Variants in TENM4 observed in about 807,000 individuals in gnomAD.
TENM4 encodes the protein teneurin transmembrane protein 4, also known as teneurin-4.
TENM4 carries 82 observed loss-of-function variants against 243.3 expected under a neutral mutation model. The ratio of observed to expected loss-of-function variants is 0.34; its 90% CI spans 0.28 to 0.40. TENM4 has a LOEUF of 0.40. Ranked by LOEUF, TENM4 falls within the 10% of genes least tolerant of loss-of-function variation. TENM4 has a pLI of 1.00. For synonymous variants in TENM4, 1,412 were observed against 1,456.3 expected, an observed-to-expected ratio of 0.97 and a Z score of 0.69; for missense variants, 3,138 against 3,673.3, an observed-to-expected ratio of 0.85 and a Z score of 3.77.
At chr11:78,683,862 C>T (rs552038944) in intron 29 of TENM4, among the ~76,000 whole-genome samples, 9 of 152,340 alleles carry the variant, frequency 5.9e-5, no homozygotes, top group African/African-American at 2.2e-4. Flanking sequence ...GTAAAATACA[C>T]ATAGAGTTTC....
At chr11:79,337,544 G>T (rs971633225) in intron 1 of TENM4, among the ~76,000 whole-genome samples, 2 of 152,166 alleles carry the variant, frequency 1.3e-5, no homozygotes, top group Admixed American at 6.5e-5. Flanking sequence ...TAGCCAGAAA[G>T]GGTTGCTAAG....
chr11:79,196,575 T>TTGA (rs1272727848), intron 3 of TENM4, among the ~76,000 whole-genome samples: 1 of 152,070 alleles, frequency 6.6e-6, no homozygotes, highest in African/African-American at 2.4e-5. Context: ...GCTGGTGCTG[T>TTGA]TGATGGTAGC....
chr11:78,959,179 T>A (rs1425055551), intron 6 of TENM4, among the ~76,000 whole-genome samples: 2 of 152,144 alleles, frequency 1.3e-5, no homozygotes, highest in Non-Finnish European at 2.9e-5. Flanking sequence ...ATTAAAAGTC[T>A]CTGAAAAACC....
At chr11:79,308,185 T>A (rs1049001105) in intron 1 of TENM4, among the ~76,000 whole-genome samples, 1 of 152,246 alleles carries the variant, frequency 6.6e-6, no homozygotes, top group Non-Finnish European at 1.5e-5. Flanking sequence ...AGCCTAGAGA[T>A]CAAGGGCCTT....
At chr11:78,877,530 T>C (rs1383591412) in intron 9 of TENM4, among the ~76,000 whole-genome samples, 1 of 152,116 alleles carries the variant, frequency 6.6e-6, no homozygotes, top group Non-Finnish European at 1.5e-5. Flanking sequence ...TAAAAATCTA[T>C]AAAATCAACT....
At chr11:79,212,848 G>A (rs1863979215) in intron 3 of TENM4, among the ~76,000 whole-genome samples, 1 of 152,182 alleles carries the variant, frequency 6.6e-6, no homozygotes, top group African/African-American at 2.4e-5. Context: ...TTAAGCAGGA[G>A]GAGGCTAAGT....
At chr11:79,252,048 C>T (rs946730377) in intron 2 of TENM4, among the ~76,000 whole-genome samples, 43 of 151,728 alleles carry the variant, frequency 2.8e-4, no homozygotes, top group African/African-American at 1.0e-3. Context: ...GGAGAGGAAA[C>T]AAAACTATGG....
rs370684363 is a variant in TENM4 at position 78,708,454 on chromosome 11, G to T, written c.4116C>A (p.Ile1372=). 6.2e-7 allele frequency: 1 copy of T among 1,613,884 alleles called. No individual in the cohort carries two copies. Among genetic ancestry groups the T allele is most frequent in the African/African-American group, 1.3e-5 (1 of 74,920 alleles). ...YFVDGTMIRR[I]DQNGIISTLL... is the part of the protein sequence containing the mutation. ...GGGTGGAGATGATCCCATTCTGATC[G>T]ATGCGTCTGATCATGGTGCCATCCA... The change falls in exon 27 of 34, where the codon ATC becomes ATA. Residue 1372 remains isoleucine, a synonymous_variant. Coordinates refer to ENST00000278550, the MANE Select transcript of TENM4 (RefSeq NM_001098816.3).
chr11:79,310,695 G>A (rs1590870239), intron 1 of TENM4, among the ~76,000 whole-genome samples: 1 of 152,218 alleles, frequency 6.6e-6, no homozygotes, highest in African/African-American at 2.4e-5. Flanking sequence ...CAGGCATGGA[G>A]CAGCTGAGGC....
intron 12 of TENM4, among the ~76,000 whole-genome samples, chr11:78,816,085 G>A (rs1857599195): frequency 1.3e-5 from 2 of 152,222 alleles, no homozygotes; most frequent in Non-Finnish European, 2.9e-5. Context: ...ACAGCCATTA[G>A]CAACTCTTCT....
At chr11:78,968,858 C>T (rs1857487501) in intron 6 of TENM4, among the ~76,000 whole-genome samples, 1 of 152,116 alleles carries the variant, frequency 6.6e-6, no homozygotes, top group African/African-American at 2.4e-5. Flanking sequence ...TTCCACCAGG[C>T]ATAGGGAAAG....
chr11:78,971,178 G>A (rs1274790166), intron 6 of TENM4, among the ~76,000 whole-genome samples: 1 of 151,974 alleles, frequency 6.6e-6, no homozygotes, highest in East Asian at 1.9e-4. Context: ...TGTGAGCCAA[G>A]TTCTTTTTAC....
At chr11:78,977,480 G>A (rs1332327881) in intron 6 of TENM4, among the ~76,000 whole-genome samples, 2 of 152,210 alleles carry the variant, frequency 1.3e-5, no homozygotes, top group African/African-American at 4.8e-5. Flanking sequence ...ATTTGCTCAG[G>A]ATCTACTGGC....
intron 1 of TENM4, among the ~76,000 whole-genome samples, chr11:79,383,178 G>A (rs1013096720): frequency 6.6e-6 from 1 of 152,208 alleles, no homozygotes; most frequent in African/African-American, 2.4e-5. Flanking sequence ...GCACTAGCAG[G>A]AGAGGGGAGG....
At chr11:78,878,377 T>C (rs958925140) in intron 9 of TENM4, among the ~76,000 whole-genome samples, 4 of 152,108 alleles carry the variant, frequency 2.6e-5, no homozygotes, top group Non-Finnish European at 5.9e-5. Flanking sequence ...ACGATCCACG[T>C]CACAGTCATT....
chr11:79,234,357 C>A (rs563433108), intron 2 of TENM4, among the ~76,000 whole-genome samples: 1 of 152,274 alleles, frequency 6.6e-6, no homozygotes, highest in Admixed American at 6.5e-5. Flanking sequence ...CCTCTATGGA[C>A]CTGAAATGAT....
intron 17 of TENM4, among the ~76,000 whole-genome samples, chr11:78,777,154 C>A (rs1238830147): frequency 6.6e-6 from 1 of 152,036 alleles, no homozygotes; most frequent in Admixed American, 6.6e-5. Flanking sequence ...AAATTTAGCC[C>A]ACCCTGAAGA....
intron 33 of TENM4, among the ~76,000 whole-genome samples, chr11:78,660,807 G>A (rs79777435): frequency 0.014 from 2,172 of 152,254 alleles, 51 homozygotes; most frequent in African/African-American, 0.049. Flanking sequence ...TGAAGTGAGT[G>A]GGTGGGATGA....
At chr11:78,968,130 C>G (rs1857473342) in intron 6 of TENM4, among the ~76,000 whole-genome samples, 2 of 152,332 alleles carry the variant, frequency 1.3e-5, no homozygotes, top group Non-Finnish European at 2.9e-5. Flanking sequence ...TCTCCTCTCT[C>G]TGGCTCTCTA....
Sources: allele counts gnomAD v4.1 joint callset (sites outside exome capture counted in the v4.1 genomes callset), GRCh38; gene constraint gnomAD v4.1.1; transcripts MANE v1.5; gene names NCBI Gene and HGNC (gene_info 2026-07-23, HGNC 2026-07-21).